Variants in GRAMD4 observed in about 807,000 individuals in gnomAD.
GRAMD4 encodes the protein GRAM domain containing 4.
A neutral mutation model predicts 83.9 loss-of-function variants in GRAMD4; 25 were observed. The ratio of observed to expected loss-of-function variants is 0.30; its 90% CI spans 0.22 to 0.42. The LOEUF (loss-of-function observed/expected upper bound fraction) is 0.42, where lower values mean the gene tolerates loss of function less well. GRAMD4 is among the 10% of genes least tolerant of loss of function. The pLI, the probability that GRAMD4 is intolerant of heterozygous loss-of-function variation, is 1.00. For synonymous variants in GRAMD4, 336 were observed against 320.9 expected, an observed-to-expected ratio of 1.05 and a Z score of -0.50; for missense variants, 593 against 788.7, an observed-to-expected ratio of 0.75 and a Z score of 2.97.
In GRAMD4 at chr22:46,677,467, C is replaced by A. The variant is rs536474193; in HGVS notation, c.*216C>A. On this transcript the variant is annotated 3_prime_UTR_variant, in exon 19 of 19. Transcript: ENST00000406902. Reference sequence around the variant, plus strand: ...GGGGGTGCCCCTCTCCCACAGGGCACGTCAGGTGCCTCTGAGGGCCACCCG... The same window carrying A: ...GGGGGTGCCCCTCTCCCACAGGGCAAGTCAGGTGCCTCTGAGGGCCACCCG... 1 of 1,316,786 alleles carries A rather than the reference C, an allele frequency of 7.6e-7. No individual in the cohort carries two copies. The highest frequency in any genetic ancestry group is 3.3e-5 in the Admixed American group (1 of 30,702). The allele number at this position is 1,316,786 out of a possible 1,614,324, so 81.6% of individuals were successfully genotyped here. A position where few individuals can be genotyped will look rare whatever the true frequency, so the allele number is the denominator to read the frequency against.
rs1353461389 is a variant in GRAMD4 at position 46,669,022 on chromosome 22, C to T, written c.1084+114C>T. On this transcript the variant is annotated intron_variant, in intron 13 of 18. Transcript: ENST00000406902. ...CTGTTAAACTCACCTGGCGATCCTT[C>T]CTCTGCTTTTTGTCACAAATGTTTC... The T allele has an allele frequency of 2.3e-5, 15 of 651,010 alleles. No individual in the cohort carries two copies. The East Asian group carries it at 3.9e-4, about 17-fold the overall frequency. 40.3% of individuals were successfully genotyped at this position (651,010 alleles called of 1,614,324 possible). A position where few individuals can be genotyped will look rare whatever the true frequency, so the allele number is the denominator to read the frequency against.
intron 3 of GRAMD4, among the ~76,000 whole-genome samples, chr22:46,647,968 G>A (rs1187479405): frequency 6.6e-6 from 1 of 152,246 alleles, no homozygotes; most frequent in Non-Finnish European, 1.5e-5. Flanking sequence ...CATATGGGAG[G>A]GAGTAAAGGT....
intron 3 of GRAMD4, among the ~76,000 whole-genome samples, chr22:46,646,526 T>C (rs928675835): frequency 2.6e-5 from 4 of 152,198 alleles, no homozygotes; most frequent in Non-Finnish European, 5.9e-5. Context: ...GAGGAAGACC[T>C]TCCTTACCAT....
intron 1 of GRAMD4, among the ~76,000 whole-genome samples, chr22:46,589,613 C>T (rs1240929626): frequency 1.3e-5 from 2 of 152,084 alleles, no homozygotes; most frequent in African/African-American, 4.8e-5. Context: ...GGTGAGTAAG[C>T]GGGTGTCTGA....
intron 3 of GRAMD4, among the ~76,000 whole-genome samples, chr22:46,654,691 T>G (rs2147308402): frequency 6.6e-6 from 1 of 152,344 alleles, no homozygotes. Context: ...CCCTCCCTGC[T>G]AGACGCACTA....
intron 1 of GRAMD4, among the ~76,000 whole-genome samples, chr22:46,602,177 C>T (rs961037261): frequency 1.1e-4 from 17 of 152,178 alleles, no homozygotes; most frequent in African/African-American, 3.9e-4. Context: ...ACGATGCTGC[C>T]GGGAGACGGC....
At chr22:46,668,769 G>C (rs558237861) in intron 12 of GRAMD4, 30 bp from the exon 13 acceptor site, 1 of 1,593,770 alleles carries the variant, frequency 6.3e-7, no homozygotes, top group African/African-American at 1.4e-5. Context: ...TGCGGCGCCC[G>C]CCCGGCCTGA....
intron 1 of GRAMD4, among the ~76,000 whole-genome samples, chr22:46,614,896 C>CGTGT (rs1601561537): frequency 2.1e-4 from 2 of 9,486 alleles, no homozygotes; most frequent in African/African-American, 3.8e-4. Context: ...TTCCCCTGTG[C>CGTGT]ATGTAGGTTC....
At chr22:46,590,958 GCT>G (rs759971516) in intron 1 of GRAMD4, among the ~76,000 whole-genome samples, 7 of 152,192 alleles carry the variant, frequency 4.6e-5, no homozygotes, top group Non-Finnish European at 7.3e-5. Flanking sequence ...TACTCAGGAG[GCT>G]GTGGGATGAA....
At chr22:46,674,845 T>G in intron 16 of GRAMD4, 95 bp downstream of exon 16, 1 of 883,660 alleles carries the variant, frequency 1.1e-6, no homozygotes, top group Non-Finnish European at 1.9e-6. Flanking sequence ...AGTGCAGGTT[T>G]TCCTGAGTGG....
At chr22:46,643,505 A>G (rs947325635) in intron 3 of GRAMD4, among the ~76,000 whole-genome samples, 5 of 152,234 alleles carry the variant, frequency 3.3e-5, no homozygotes, top group Non-Finnish European at 5.9e-5. Flanking sequence ...AAATCAGGAA[A>G]TTAACATTGA....
rs1264385246 is a variant in GRAMD4 at position 46,672,188 on chromosome 22, G to A, written c.1085-655G>A. Among the ~76,000 whole-genome samples, 1 of 152,254 alleles carries A rather than the reference G, an allele frequency of 6.6e-6. No individual in the cohort carries two copies. The highest frequency in any genetic ancestry group is 1.5e-5 in the Non-Finnish European group (1 of 68,046). Reference sequence around the variant, plus strand: ...ATCCCTGCATCTGTTGCCAGGTGGGGTCCTGGGGCGCAGTCAGGCCTGGCT... The same window carrying A: ...ATCCCTGCATCTGTTGCCAGGTGGGATCCTGGGGCGCAGTCAGGCCTGGCT... On this transcript the variant is annotated intron_variant, in intron 13 of 18. Transcript: ENST00000406902. This position sits in a 1 kb window ranked among gnomAD's most constrained non-coding sequence, Gnocchi z 4.7.
At chr22:46,674,326 G>A (rs2082561866) in intron 15 of GRAMD4, among the ~76,000 whole-genome samples, 1 of 152,160 alleles carries the variant, frequency 6.6e-6, no homozygotes, top group Non-Finnish European at 1.5e-5. Flanking sequence ...CCCTGGCCCT[G>A]CCGGTCTTGG....
In GRAMD4 at chr22:46,672,795, C is replaced by T. The variant is rs374135524; in HGVS notation, c.1085-48C>T. The T allele has an allele frequency of 2.7e-6, 4 of 1,496,468 alleles. No homozygotes were observed. The highest frequency in any genetic ancestry group is 3.7e-6 in the Non-Finnish European group (4 of 1,084,636). 92.7% of individuals were successfully genotyped at this position (1,496,468 alleles called of 1,614,324 possible). A position where few individuals can be genotyped will look rare whatever the true frequency, so the allele number is the denominator to read the frequency against. On this transcript the variant is annotated intron_variant, in intron 13 of 18. Transcript: ENST00000406902. This position sits in a 1 kb window ranked among gnomAD's most constrained non-coding sequence, Gnocchi z 4.7. Reference sequence around the variant, plus strand: ...GGAACCATCACCCTGAGTAGACTGGCATAGCTGCAGAGCTCTAGATGGAGC... The same window carrying T: ...GGAACCATCACCCTGAGTAGACTGGTATAGCTGCAGAGCTCTAGATGGAGC...
intron 18 of GRAMD4, 68 bp from the exon 19 acceptor site, chr22:46,677,079 G>T (rs1216549696): frequency 1.6e-5 from 26 of 1,590,988 alleles, no homozygotes; most frequent in Middle Eastern, 1.7e-4. Flanking sequence ...GTTGGACTTC[G>T]TCTCGGTCCT....
chr22:46,670,087 A>G (rs2082479274), intron 13 of GRAMD4, among the ~76,000 whole-genome samples: 1 of 152,134 alleles, frequency 6.6e-6, no homozygotes. Flanking sequence ...GGGTGGGGAG[A>G]GCTCCGTGCC....
At chr22:46,578,823 C>G (rs1312324085) in intron 1 of GRAMD4, among the ~76,000 whole-genome samples, 2 of 152,224 alleles carry the variant, frequency 1.3e-5, no homozygotes, top group Non-Finnish European at 2.9e-5. Context: ...TTGCCTTGCT[C>G]CTGCCTTGGC....
chr22:46,594,667 C>G (rs2081243571), intron 1 of GRAMD4, among the ~76,000 whole-genome samples: 1 of 151,872 alleles, frequency 6.6e-6, no homozygotes, highest in South Asian at 2.1e-4. Context: ...GACAGTTGGC[C>G]CTGGCATCTG....
At chr22:46,587,855 G>T in intron 1 of GRAMD4, 1 of 964,524 alleles carries the variant, frequency 1.0e-6, no homozygotes, top group Non-Finnish European at 1.2e-6. Flanking sequence ...AGGCGTGTGC[G>T]CCAGAAGCCC....
Sources: gnomAD v4.1 joint callset for allele counts (sites outside exome capture counted in the v4.1 genomes callset) on GRCh38, gnomAD v4.1.1 for gene constraint, Gnocchi (gnomAD v3.1) non-coding constraint, MANE v1.5 for transcripts, NCBI Gene and HGNC (gene_info 2026-07-23, HGNC 2026-07-21) for gene names.